TMEM131: variants seen among roughly 807,000 people sequenced by gnomAD.
TMEM131 encodes the protein 2610524E03Rik.
Under a neutral mutation model 211.6 loss-of-function variants are expected in TMEM131, and 66 were observed. The observed-to-expected ratio is 0.31, with a 90% confidence interval of 0.26 to 0.38. The LOEUF (loss-of-function observed/expected upper bound fraction) is 0.38. Ranked by LOEUF, TMEM131 falls within the 10% of genes least tolerant of loss-of-function variation. The pLI, the probability that TMEM131 is intolerant of heterozygous loss-of-function variation, is 1.00. For synonymous variants in TMEM131, 844 were observed against 841.3 expected, an observed-to-expected ratio of 1.00 and a Z score of -0.06; for missense variants, 2,036 against 2,299.3, an observed-to-expected ratio of 0.89 and a Z score of 2.34.
chr2:97,881,744 A>G (rs1457180317), intron 4 of TMEM131, among the ~76,000 whole-genome samples: 2 of 140,892 alleles, frequency 1.4e-5, no homozygotes, highest in African/African-American at 2.7e-5. Flanking sequence ...CGGGGGAGGT[A>G]GATGTTGAAT....
Position 97,812,746 on chromosome 2 carries a change from A to G in TMEM131, c.1621T>C (p.Phe541Leu). The G allele has an allele frequency of 6.6e-7, 1 of 1,521,354 alleles. No individual in the cohort carries two copies. Among genetic ancestry groups the G allele is most frequent in the Non-Finnish European group, 8.9e-7 (1 of 1,124,760 alleles). 94.2% of individuals were successfully genotyped at this position (1,521,354 alleles called of 1,614,324 possible). The change falls in exon 16 of 41, where the codon TTT (phenylalanine) becomes CTT (leucine). Residue 541 changes from phenylalanine (F) to leucine (L), a missense_variant. Coordinates refer to ENST00000186436, the MANE Select transcript of TMEM131 (RefSeq NM_015348.2). ...TCCTCTATTTTGGGGGGCAATACAA[A>G]GTACTGGAAAGATATAAAAGAACCA... is the stretch of plus-strand genomic sequence containing the variant. ...VRVYTGFLDY[F>L]VLPPKIEERF...
intron 4 of TMEM131, among the ~76,000 whole-genome samples, chr2:97,886,879 G>A (rs1675182899): frequency 6.6e-6 from 1 of 152,218 alleles, no homozygotes; most frequent in Non-Finnish European, 1.5e-5. Context: ...ACTTTCTTTT[G>A]ACTCAGCAAG....
intron 31 of TMEM131, among the ~76,000 whole-genome samples, chr2:97,789,786 AG>A (rs1157974771): frequency 6.6e-6 from 1 of 152,164 alleles, no homozygotes; most frequent in Non-Finnish European, 1.5e-5. Flanking sequence ...TAAGTGTTAG[AG>A]GGGGGAGAAA....
intron 4 of TMEM131, among the ~76,000 whole-genome samples, chr2:97,873,963 C>A (rs1191748086): frequency 6.6e-6 from 1 of 151,892 alleles, no homozygotes; most frequent in African/African-American, 2.4e-5. Flanking sequence ...GCAAGGAAGC[C>A]AAGAACTTTG....
intron 8 of TMEM131, among the ~76,000 whole-genome samples, chr2:97,835,271 T>C (rs1682888555): frequency 6.6e-6 from 1 of 152,234 alleles, no homozygotes; most frequent in Non-Finnish European, 1.5e-5. Flanking sequence ...TAGTGGTGTT[T>C]GGGTATATAA....
At chr2:97,863,147 T>C (rs1674135423) in intron 4 of TMEM131, among the ~76,000 whole-genome samples, 1 of 152,130 alleles carries the variant, frequency 6.6e-6, no homozygotes, top group African/African-American at 2.4e-5. Flanking sequence ...GAATAGTATA[T>C]CTGGCAAAAA....
intron 31 of TMEM131, among the ~76,000 whole-genome samples, chr2:97,785,677 G>C (rs1384370930): frequency 6.6e-6 from 1 of 152,190 alleles, no homozygotes; most frequent in Non-Finnish European, 1.5e-5. Flanking sequence ...ACATATCCTA[G>C]AGAAATGAAG....
At chr2:97,904,571 A>G (rs1208597317) in intron 3 of TMEM131, among the ~76,000 whole-genome samples, 1 of 152,206 alleles carries the variant, frequency 6.6e-6, no homozygotes, top group Non-Finnish European at 1.5e-5. Flanking sequence ...TAGACAAAAT[A>G]TGCTTGGGTC....
intron 13 of TMEM131, among the ~76,000 whole-genome samples, chr2:97,814,595 T>A (rs1159477229): frequency 6.6e-6 from 1 of 152,166 alleles, no homozygotes; most frequent in Non-Finnish European, 1.5e-5. Context: ...CAAACAACCA[T>A]TCTCTAATGA....
At chr2:97,931,979 T>A (rs866979709) in intron 1 of TMEM131, among the ~76,000 whole-genome samples, 3 of 152,170 alleles carry the variant, frequency 2.0e-5, no homozygotes, top group Non-Finnish European at 2.9e-5. Flanking sequence ...GTTCCTGGTT[T>A]GCTTGTCAAT....
At chr2:97,832,730 G>A (rs1028892533) in intron 11 of TMEM131, among the ~76,000 whole-genome samples, 1 of 152,156 alleles carries the variant, frequency 6.6e-6, no homozygotes, top group Non-Finnish European at 1.5e-5. Context: ...GACCTCATCA[G>A]GGAGAGACGT....
intron 1 of TMEM131, among the ~76,000 whole-genome samples, chr2:97,929,912 C>A (rs1677148800): frequency 6.6e-6 from 1 of 151,738 alleles, no homozygotes; most frequent in African/African-American, 2.4e-5. Context: ...ATGGCTCCAA[C>A]AGAATTACTG....
chr2:97,918,559 T>C (rs1676607370), intron 2 of TMEM131, among the ~76,000 whole-genome samples: 1 of 151,936 alleles, frequency 6.6e-6, no homozygotes, highest in South Asian at 2.1e-4. Flanking sequence ...AAACTGAGAA[T>C]GTAGGAAATC....
intron 5 of TMEM131, among the ~76,000 whole-genome samples, chr2:97,849,723 T>C (rs1673522345): frequency 6.8e-6 from 1 of 147,698 alleles, no homozygotes. Context: ...CTCTCTTTTT[T>C]TTTTTTTTTT....
At chr2:97,970,971 G>A (rs937110454) in intron 1 of TMEM131, among the ~76,000 whole-genome samples, 1 of 152,144 alleles carries the variant, frequency 6.6e-6, no homozygotes, top group African/African-American at 2.4e-5. Context: ...ATGGTGGGGG[G>A]AGTATAAAGA....
chr2:97,798,860 T>G (rs1401115588), intron 25 of TMEM131, among the ~76,000 whole-genome samples: 2 of 152,238 alleles, frequency 1.3e-5, no homozygotes, highest in African/African-American at 4.8e-5. Flanking sequence ...AATTTCCCTT[T>G]TAAATCAACT....
intron 1 of TMEM131, among the ~76,000 whole-genome samples, chr2:97,980,464 T>TA (rs1679737556): frequency 6.6e-6 from 1 of 152,186 alleles, no homozygotes; most frequent in South Asian, 2.1e-4. Context: ...GGAACTCTCA[T>TA]ACACTTCTTA....
intron 5 of TMEM131, among the ~76,000 whole-genome samples, chr2:97,845,774 AT>A (rs1193413544): frequency 1.3e-4 from 19 of 150,838 alleles, no homozygotes; most frequent in African/African-American, 3.7e-4. Flanking sequence ...AAAAAAAAAA[AT>A]CAATAAAACC....
chr2:97,827,621 A>C (rs1682465223), intron 11 of TMEM131: 1 of 946,324 alleles, frequency 1.1e-6, no homozygotes, highest in Non-Finnish European at 1.7e-6. Context: ...TATTTTTATC[A>C]ACTATTTTGT....
Sources: gnomAD v4.1 joint callset for allele counts (sites outside exome capture counted in the v4.1 genomes callset) on GRCh38, gnomAD v4.1.1 for gene constraint, MANE v1.5 for transcripts, NCBI Gene and HGNC (gene_info 2026-07-23, HGNC 2026-07-21) for gene names.